The following CALHM5 variants were observed in gnomAD, a reference collection of about 807,000 sequenced individuals.
CALHM5 encodes calcium homeostasis modulator family member 5, also known as calcium homeostasis modulator protein 5.
In CALHM5, 17 loss-of-function variants were observed where a neutral mutation model predicts 20.9. The observed-to-expected ratio is 0.82, with a 90% CI of 0.56 to 1.22. CALHM5 has a LOEUF of 1.22. Among genes scored for constraint, CALHM5 ranks in the 50% most tolerant of loss-of-function variants. CALHM5 has a pLI of 0.00. For missense variants in CALHM5, 360 were observed against 364.6 expected (o/e 0.99, Z 0.10); for synonymous variants, 148 against 140.0 (o/e 1.06, Z -0.40).
chr6:116,516,019 G>T lies in CALHM5; in HGVS notation c.*30G>T. ...TCCACCATCAATGACTCATGGTGTTGAGTGGCATGCTCATTCTGTGATCCT... is the reference window on the plus strand; with the variant it reads ...TCCACCATCAATGACTCATGGTGTTTAGTGGCATGCTCATTCTGTGATCCT... On this transcript the variant is annotated 3_prime_UTR_variant, in exon 2 of 2. Transcript: ENST00000368599. The T allele has an allele frequency of 6.4e-7, 1 of 1,550,554 alleles. No individual in the cohort carries two copies. Among genetic ancestry groups the T allele is most frequent in the South Asian group, 1.2e-5 (1 of 80,722 alleles).
rs934757251 is a variant in CALHM5 at position 116,519,991 on chromosome 6, C to T, written c.*4002C>T. 1 of 152,020 alleles carries T rather than the reference C, an allele frequency of 6.6e-6. No individual in the cohort carries two copies. The highest frequency in any genetic ancestry group is 1.5e-5 in the Non-Finnish European group (1 of 68,010). 9.4% of individuals were successfully genotyped at this position (152,020 alleles called of 1,614,324 possible). On this transcript the variant is annotated 3_prime_UTR_variant, in exon 2 of 2. Coordinates refer to ENST00000368599, the MANE Select transcript of CALHM5 (RefSeq NM_153711.5). ...GATTACAAAAATAAGGCATGGCAGA[C>T]AAATCACTACATAATTCTATGCATT...
Position 116,517,524 on chromosome 6 carries a change from C to T in CALHM5, c.*1535C>T, listed in dbSNP as rs1443541108. The T allele has an allele frequency of 1.3e-5, 2 of 152,150 alleles. No homozygotes were observed. The highest frequency in any genetic ancestry group is 4.8e-5 in the African/African-American group (2 of 41,432). 9.4% of individuals were successfully genotyped at this position (152,150 alleles called of 1,614,324 possible). On this transcript the variant is annotated 3_prime_UTR_variant, in exon 2 of 2. Coordinates refer to ENST00000368599, the MANE Select transcript of CALHM5 (RefSeq NM_153711.5). ...GTCTATGTCTCTTAGTTTGAGAAAG[C>T]TGAATATTAACTTCTTATTAACATG...
intron 1 of CALHM5, among the ~76,000 whole-genome samples, chr6:116,512,871 T>C (rs1772151507): frequency 3.9e-5 from 6 of 152,214 alleles, no homozygotes; most frequent in Admixed American, 3.3e-4. Context: ...TTATGTTTTA[T>C]ACTCTTTGTG....
At position 116,519,882 on chromosome 6, in the gene CALHM5, G is replaced by T. The variant is rs1049820007; in HGVS notation, c.*3893G>T. On this transcript the variant is annotated 3_prime_UTR_variant, in exon 2 of 2. Coordinates refer to ENST00000368599, the MANE Select transcript of CALHM5 (RefSeq NM_153711.5). ...CTGTGCAGTTCCTTCCTTTTTTCAG[G>T]CTCAACCACTTAATTCAGCTTTAGG... The T allele has an allele frequency of 2.0e-5, 3 of 151,870 alleles. No homozygotes were observed. The East Asian group carries it at 5.8e-4, about 29-fold the overall frequency. The allele number at this position is 151,870 out of a possible 1,614,324, so 9.4% of individuals were successfully genotyped here. A position where few individuals can be genotyped will look rare whatever the true frequency, so the allele number is the denominator to read the frequency against.
intron 1 of CALHM5, among the ~76,000 whole-genome samples, chr6:116,514,317 C>T (rs980711692): frequency 3.9e-5 from 6 of 152,058 alleles, no homozygotes; most frequent in Non-Finnish European, 4.4e-5. Flanking sequence ...GGAAGACAGA[C>T]GATGAAGGAA....
chr6:116,513,554 G>T (rs974908576), intron 1 of CALHM5, among the ~76,000 whole-genome samples: 1 of 152,174 alleles, frequency 6.6e-6, no homozygotes, highest in African/African-American at 2.4e-5. Flanking sequence ...TCATGTCATA[G>T]CTTAGGCTGA....
chr6:116,514,656 G>T (rs565575081), intron 1 of CALHM5, among the ~76,000 whole-genome samples: 63 of 152,276 alleles, frequency 4.1e-4, no homozygotes, highest in African/African-American at 1.5e-3. Flanking sequence ...GTCCAGAGTT[G>T]GCATTGGTGC....
Position 116,516,191 on chromosome 6 carries a change from G to A in CALHM5, c.*202G>A. 2 of 585,050 alleles carry A rather than the reference G, an allele frequency of 3.4e-6. No homozygotes were observed. The highest frequency in any genetic ancestry group is 5.3e-6 in the Non-Finnish European group (2 of 376,880). 36.2% of individuals were successfully genotyped at this position (585,050 alleles called of 1,614,324 possible). Reference sequence around the variant, plus strand: ...AAATTGATGCTGAGGGGTGACAAAGGTGCTCTTGCATTGGTGGAGAGGGGC... The same window carrying A: ...AAATTGATGCTGAGGGGTGACAAAGATGCTCTTGCATTGGTGGAGAGGGGC... On this transcript the variant is annotated 3_prime_UTR_variant, in exon 2 of 2. Transcript: ENST00000368599.
At position 116,522,617 on chromosome 6, in the gene CALHM5, T is replaced by C. The variant is rs1458918377; in HGVS notation, c.*6628T>C. The stretch of plus-strand genomic sequence containing the variant: ...GAGATTCACTTTCAATTATTTTTGG[T>C]TAATTTTTGTTTGAAAGGAATACAA... On this transcript the variant is annotated 3_prime_UTR_variant, in exon 2 of 2. Transcript: ENST00000368599. The C allele has an allele frequency of 6.6e-6, 1 of 152,228 alleles. No individual in the cohort carries two copies. The highest frequency in any genetic ancestry group is 1.5e-5 in the Non-Finnish European group (1 of 68,040). The allele number at this position is 152,228 out of a possible 1,614,324, so 9.4% of individuals were successfully genotyped here.
chr6:116,514,825 T>C (rs1772190538), intron 1 of CALHM5, among the ~76,000 whole-genome samples: 1 of 152,206 alleles, frequency 6.6e-6, no homozygotes, highest in Non-Finnish European at 1.5e-5. Context: ...ATATTAAGGA[T>C]CATTTAAACT....
intron 1 of CALHM5, 61 bp downstream of exon 1, chr6:116,512,297 T>G: frequency 6.6e-7 from 1 of 1,507,524 alleles, no homozygotes; most frequent in South Asian, 1.3e-5. Context: ...CTCTCTGTGC[T>G]CCTTTCAGCC....
In CALHM5 at chr6:116,516,645, A is replaced by C. The variant is rs1221078936; in HGVS notation, c.*656A>C. ...CCTTTGCGAACCATTTCCTACATTC[A>C]AAATAGTAGTAACAAATATATATAT... On this transcript the variant is annotated 3_prime_UTR_variant, in exon 2 of 2. Transcript: ENST00000368599. The C allele has an allele frequency of 7.0e-6, 1 of 143,508 alleles. No individual in the cohort carries two copies. 8.9% of individuals were successfully genotyped at this position (143,508 alleles called of 1,614,324 possible). A position where few individuals can be genotyped will look rare whatever the true frequency, so the allele number is the denominator to read the frequency against.
Position 116,515,875 on chromosome 6 carries a change from C to G in CALHM5, c.816C>G (p.His272Gln). The G allele has an allele frequency of 6.2e-7, 1 of 1,613,958 alleles. No homozygotes were observed. The highest frequency in any genetic ancestry group is 8.5e-7 in the Non-Finnish European group (1 of 1,179,936). Residue 272 changes from histidine to glutamine, a missense_variant, in exon 2 of 2, where the codon CAC becomes CAG. Coordinates refer to ENST00000368599, the MANE Select transcript of CALHM5 (RefSeq NM_153711.5). ...CTGCTTCAGAGCTGCATTCTTTCCACCAAAGCCAGCAACACTATAGCACCC... is the reference window on the plus strand; with the variant it reads ...CTGCTTCAGAGCTGCATTCTTTCCAGCAAAGCCAGCAACACTATAGCACCC... ...WEAASELHSF[H>Q]QSQQHYSTLH...
intron 1 of CALHM5, 75 bp from the exon 2 acceptor site, chr6:116,515,525 C>T: frequency 7.0e-7 from 1 of 1,435,112 alleles, no homozygotes; most frequent in Non-Finnish European, 9.4e-7. Context: ...TTTAGCTATA[C>T]ACTTCTCAAT....
rs1052743677 is a variant in CALHM5, at chr6:116,519,765, A to G, written c.*3776A>G. The G allele has an allele frequency of 6.6e-6, 1 of 152,248 alleles. No individual in the cohort carries two copies. The highest frequency in any genetic ancestry group is 1.5e-5 in the Non-Finnish European group (1 of 68,042). The allele number at this position is 152,248 out of a possible 1,614,324, so 9.4% of individuals were successfully genotyped here. A position where few individuals can be genotyped will look rare whatever the true frequency, so the allele number is the denominator to read the frequency against. On this transcript the variant is annotated 3_prime_UTR_variant, in exon 2 of 2. Transcript: ENST00000368599. The stretch of plus-strand genomic sequence containing the variant: ...CTTTCCCATACAAGGAATATACTCA[A>G]GGAAAAATTTCATGGCACAAAATGC...
chr6:116,512,271 A>T, intron 1 of CALHM5, 35 bp downstream of exon 1: 1 of 1,560,270 alleles, frequency 6.4e-7, no homozygotes, highest in Non-Finnish European at 8.6e-7. Context: ...TTCTCTCAGC[A>T]TGAGCTCGAA....
At position 116,521,031 on chromosome 6, in the gene CALHM5, G is replaced by T. The variant is rs1276139896; in HGVS notation, c.*5042G>T. The T allele has an allele frequency of 6.6e-6, 1 of 151,724 alleles. No individual in the cohort carries two copies. 9.4% of individuals were successfully genotyped at this position (151,724 alleles called of 1,614,324 possible). ...GTGGTATGTTAGTCAGGGTTCTCCA[G>T]AGAAACAGAACCAACAGTACAACAG... On this transcript the variant is annotated 3_prime_UTR_variant, in exon 2 of 2. Transcript: ENST00000368599.
At position 116,521,066 on chromosome 6, in the gene CALHM5, A is replaced by G. The variant is rs1351646822; in HGVS notation, c.*5077A>G. Reference sequence around the variant, plus strand: ...ACCAACAGTACAACAGTATATATACATACATACATATATATGTGTGTGCAT... The same window carrying G: ...ACCAACAGTACAACAGTATATATACGTACATACATATATATGTGTGTGCAT... On this transcript the variant is annotated 3_prime_UTR_variant, in exon 2 of 2. Coordinates refer to ENST00000368599, the MANE Select transcript of CALHM5 (RefSeq NM_153711.5). The G allele has an allele frequency of 6.6e-6, 1 of 151,804 alleles. No individual in the cohort carries two copies. Among genetic ancestry groups the G allele is most frequent in the African/African-American group, 2.4e-5 (1 of 41,158 alleles). 9.4% of individuals were successfully genotyped at this position (151,804 alleles called of 1,614,324 possible). A position where few individuals can be genotyped will look rare whatever the true frequency, so the allele number is the denominator to read the frequency against.
intron 1 of CALHM5, among the ~76,000 whole-genome samples, chr6:116,513,372 G>A (rs1325635749): frequency 6.6e-6 from 1 of 152,138 alleles, no homozygotes; most frequent in African/African-American, 2.4e-5. Context: ...GCTCCCAAAT[G>A]TCTTGTGTCT....
Sources: allele counts gnomAD v4.1 joint callset (sites outside exome capture counted in the v4.1 genomes callset), GRCh38; gene constraint gnomAD v4.1.1; transcripts MANE v1.5; gene names NCBI Gene and HGNC (gene_info 2026-07-23, HGNC 2026-07-21).